Variants in ADGRE3 observed in about 807,000 individuals in gnomAD.
ADGRE3 encodes the protein EGF-like module receptor 3.
ADGRE3 carries 88 observed loss-of-function variants against 80.1 expected under a neutral mutation model. The ratio of observed to expected loss-of-function variants is 1.10; its 90% CI spans 0.93 to 1.31. The LOEUF (loss-of-function observed/expected upper bound fraction) is 1.31, where lower values mean the gene tolerates loss of function less well. ADGRE3 is among the 40% of genes most tolerant of loss of function. The probability of loss-of-function intolerance (pLI) is 0.00; values close to 1 mark genes in which losing one functional copy is unlikely to be tolerated. For synonymous variants in ADGRE3, 281 were observed against 294.8 expected, an observed-to-expected ratio of 0.95 and a Z score of 0.48; for missense variants, 715 against 776.5, an observed-to-expected ratio of 0.92 and a Z score of 0.94.
chr19:14,649,585 C>T (rs1367823593), intron 7 of ADGRE3, among the ~76,000 whole-genome samples: 1 of 137,724 alleles, frequency 7.3e-6, no homozygotes, highest in Admixed American at 7.3e-5. Context: ...TCTCTTTCTC[C>T]TCATCTCTCT....
intron 13 of ADGRE3, among the ~76,000 whole-genome samples, chr19:14,631,844 C>T (rs1296685809): frequency 2.0e-5 from 3 of 152,070 alleles, no homozygotes; most frequent in East Asian, 1.9e-4. Context: ...ACACATCATA[C>T]AGGCTGTTAA....
At chr19:14,661,361 G>T (rs1971940467) in intron 4 of ADGRE3, among the ~76,000 whole-genome samples, 1 of 152,182 alleles carries the variant, frequency 6.6e-6, no homozygotes, top group Non-Finnish European at 1.5e-5. Flanking sequence ...GCACCCTGGG[G>T]GTGTTGAGTT....
chr19:14,654,862 T>A, intron 6 of ADGRE3, 120 bp downstream of exon 6: 2 of 697,078 alleles, frequency 2.9e-6, no homozygotes, highest in Non-Finnish European at 4.6e-6. Context: ...TTATATAAAT[T>A]TTTGTAATTT....
intron 10 of ADGRE3, among the ~76,000 whole-genome samples, chr19:14,639,198 A>G (rs969202415): frequency 6.6e-6 from 1 of 152,088 alleles, no homozygotes; most frequent in African/African-American, 2.4e-5. Flanking sequence ...GTCCTAAAAG[A>G]GTGAATTTTA....
chr19:14,672,705 G>A (rs1384771560), intron 1 of ADGRE3, among the ~76,000 whole-genome samples: 1 of 152,104 alleles, frequency 6.6e-6, no homozygotes, highest in Non-Finnish European at 1.5e-5. Flanking sequence ...GAACTCCTGA[G>A]CTCAAGCGAT....
intron 2 of ADGRE3, among the ~76,000 whole-genome samples, chr19:14,666,471 G>A (rs766297606): frequency 6.6e-6 from 1 of 151,826 alleles, no homozygotes; most frequent in Non-Finnish European, 1.5e-5. Context: ...CCACCTCCTG[G>A]GTTCAAGTGA....
chr19:14,627,671 G>T lies in ADGRE3; in HGVS notation c.1813-2072C>A, dbSNP rs140860614. Among the ~76,000 whole-genome samples, 863 of 151,770 alleles carry T rather than the reference G, an allele frequency of 5.7e-3. 9 individuals are homozygous for T. Among genetic ancestry groups the T allele is most frequent in the African/African-American group, 0.02 (838 of 41,434 alleles). ...TGGGATTACAGGCACGAGCCACCAC[G>T]CTTGGCTGGGTTCCATTGTGGAGAC... is the stretch of plus-strand genomic sequence containing the variant. On this transcript the variant is annotated intron_variant, in intron 14 of 15. Coordinates refer to ENST00000253673, the MANE Select transcript of ADGRE3 (RefSeq NM_032571.5).
downstream of ADGRE3, among the ~76,000 whole-genome samples, chr19:14,614,228 C>T (rs1432157318): frequency 1.3e-5 from 2 of 152,134 alleles, no homozygotes; most frequent in African/African-American, 4.8e-5. Flanking sequence ...TTATGTCAAG[C>T]AACTTTATCT....
chr19:14,644,055 TTAG>T, intron 9 of ADGRE3, 50 bp downstream of exon 9: 1 of 1,182,426 alleles, frequency 8.5e-7, no homozygotes, highest in Non-Finnish European at 1.1e-6. Flanking sequence ...TTATTACCAC[TTAG>T]TAGGGGCTCA....
At chr19:14,640,344 C>T (rs1971214731) in intron 10 of ADGRE3, among the ~76,000 whole-genome samples, 1 of 152,070 alleles carries the variant, frequency 6.6e-6, no homozygotes, top group Non-Finnish European at 1.5e-5. Flanking sequence ...GGCTGGAGTG[C>T]AATGGCGCAA....
chr19:14,608,610 G>A, the ADGRE3 span, among the ~76,000 whole-genome samples: 1 of 151,546 alleles, frequency 6.6e-6, no homozygotes, highest in Admixed American at 6.6e-5. Context: ...AAAAGGGAGG[G>A]TGGAAGGATG....
rs768703872 is a variant in ADGRE3 at position 14,647,208 on chromosome 19, A to G, written c.855T>C (p.Ser285=). ...TCACGTGCTGGAAAGTCAGCGTCAC[A>G]GACTTGGAGAGAGACACGTTCCTTT... is the stretch of plus-strand genomic sequence containing the variant. ...GPKRNVSLSK[S]VTLTFQHVKM... is the part of the protein sequence containing the mutation. Residue 285 remains serine, a synonymous_variant, in exon 8 of 16, where the codon TCT becomes TCC. Transcript: ENST00000253673. 2 of 1,613,842 alleles carry G rather than the reference A, an allele frequency of 1.2e-6. No homozygotes were observed. Among genetic ancestry groups the G allele is most frequent in the Admixed American group, 1.7e-5 (1 of 59,942 alleles).
At chr19:14,617,124 G>A (rs1168835238), downstream of ADGRE3, among the ~76,000 whole-genome samples, 1 of 151,994 alleles carries the variant, frequency 6.6e-6, no homozygotes, top group Non-Finnish European at 1.5e-5. Flanking sequence ...CTGTGAAGAG[G>A]AGGAGAGATA....
In ADGRE3 at chr19:14,655,005, A is replaced by G; in HGVS notation, c.554T>C (p.Leu185Pro). Reference protein sequence around the residue: ...TALKDPEQKVLKIQNDSVAIE... With the variant: ...TALKDPEQKVPKIQNDSVAIE... Reference sequence around the variant, plus strand: ...ACCTACACTATCGTTTTGGATTTTCAGGACTTTTTGTTCTGGATCTTTCAA... The same window carrying G: ...ACCTACACTATCGTTTTGGATTTTCGGGACTTTTTGTTCTGGATCTTTCAA... The change falls in exon 6 of 16, where the codon CTG (leucine) becomes CCG (proline). Residue 185 changes from leucine (L) to proline (P), a missense_variant. Physicochemically the swap from Leu to Pro is moderately conservative, Grantham distance 98. Transcript: ENST00000253673. The G allele has an allele frequency of 6.2e-7, 1 of 1,613,770 alleles. No individual in the cohort carries two copies. The highest frequency in any genetic ancestry group is 1.7e-4 in the Middle Eastern group (1 of 6,058).
downstream of ADGRE3, chr19:14,619,061 A>G: frequency 3.6e-6 from 1 of 281,402 alleles, no homozygotes; most frequent in Non-Finnish European, 6.7e-6. Flanking sequence ...CGATCATGCC[A>G]CTACACTCCA....
chr19:14,632,885 G>A (rs1376714453), intron 13 of ADGRE3, 36 bp downstream of exon 13: 12 of 1,411,122 alleles, frequency 8.5e-6, no homozygotes, highest in Admixed American at 5.0e-5. Context: ...CTGGCAGAAG[G>A]AAAGGGAATA....
intron 5 of ADGRE3, among the ~76,000 whole-genome samples, 166 bp from the exon 6 acceptor site, chr19:14,655,331 T>C (rs1971723267): frequency 6.6e-6 from 1 of 152,200 alleles, no homozygotes; most frequent in African/African-American, 2.4e-5. Context: ...GGCAAGTCAC[T>C]CAATCACTCT....
Position 14,660,625 on chromosome 19 carries a change from TA to T in ADGRE3, c.355+1337del, listed in dbSNP as rs34250356. ...GGTGACAGAGTGAGACCCCATCTCT[TA>T]AAAAAAAAAAAAGTTTCTCTCTTAT... On this transcript the variant is annotated intron_variant, in intron 4 of 15. Transcript: ENST00000253673. Among the ~76,000 whole-genome samples the T allele has an allele frequency of 7.5e-3, 1,083 of 145,108 alleles. 10 individuals carry two copies. Among genetic ancestry groups the T allele is most frequent in the African/African-American group, 0.022 (853 of 39,578 alleles).
rs1221288760 is a variant in ADGRE3 at position 14,663,515 on chromosome 19, ATTTGGGGGGCAC to A, written c.90_101del (p.Lys30_Pro33del). On this transcript the variant is annotated inframe_deletion, in exon 3 of 16. Coordinates refer to ENST00000253673, the MANE Select transcript of ADGRE3 (RefSeq NM_032571.5). Reference sequence around the variant, plus strand: ...AGTGAGTGTTATTGACACAGGAAGCATTTGGGGGGCACTTAGCACAGGAAGCTGCAGGGAGAA... The same window carrying A: ...AGTGAGTGTTATTGACACAGGAAGCATTAGCACAGGAAGCTGCAGGGAGAA... 1 of 1,613,322 alleles carries A rather than the reference ATTTGGGGGGCAC, an allele frequency of 6.2e-7. No individual in the cohort carries two copies. Among genetic ancestry groups the A allele is most frequent in the Admixed American group, 1.7e-5 (1 of 59,974 alleles).
Sources: allele counts gnomAD v4.1 joint callset (sites outside exome capture counted in the v4.1 genomes callset), GRCh38; gene constraint gnomAD v4.1.1; transcripts MANE v1.5; gene names NCBI Gene and HGNC (gene_info 2026-07-23, HGNC 2026-07-21).